The following EYS variants were observed in gnomAD, a reference collection of about 807,000 sequenced individuals.
EYS encodes the protein protein eyes shut homolog.
Under a neutral mutation model 282.1 loss-of-function variants are expected in EYS, and 250 were observed. The observed-to-expected ratio is 0.89, with a 90% CI of 0.80 to 0.98. EYS has a LOEUF of 0.98. EYS is among the 50% of genes least tolerant of loss of function. The pLI, the probability that EYS is intolerant of heterozygous loss-of-function variation, is 0.00. For synonymous variants in EYS, 1,355 were observed against 1,282.9 expected (o/e 1.06, Z -1.20); for missense variants, 4,016 against 3,709.0 (o/e 1.08, Z -2.15).
In EYS at chr6:65,550,146, T is replaced by TC. The variant is rs1562254245; in HGVS notation, c.-332-54154_-332-54153insG. ...TTAGTATCTGACTCTACTATATCTT[T>TC]TTTTTTTTTTTTTTTTTTTTTTTTT... On this transcript the variant is annotated intron_variant, in intron 2 of 42. Coordinates refer to ENST00000503581, the MANE Select transcript of EYS (RefSeq NM_001142800.2). Among the ~76,000 whole-genome samples the TC allele has an allele frequency of 7.3e-3, 350 of 47,834 alleles. 20 individuals are homozygous for TC. Among genetic ancestry groups the TC allele is most frequent in the East Asian group, 0.028 (35 of 1,242 alleles). 31.4% of individuals were successfully genotyped at this position (47,834 alleles called of 152,430 possible).
rs182156584 is a variant in EYS at position 65,181,982 on chromosome 6, C to T, written c.2023+113881G>A. ...GACAAAAAAACAAACACCACATGTT[C>T]TCACTCATAGGTGGGAATTGAACAA... On this transcript the variant is annotated intron_variant, in intron 12 of 42. Coordinates refer to ENST00000503581, the MANE Select transcript of EYS (RefSeq NM_001142800.2). Among the ~76,000 whole-genome samples, 832 of 152,036 alleles carry T rather than the reference C, an allele frequency of 5.5e-3. 8 individuals are homozygous for T. The highest frequency in any genetic ancestry group is 0.019 in the African/African-American group (794 of 41,508).
chr6:64,172,975 T>C (rs1476866764), intron 31 of EYS, among the ~76,000 whole-genome samples: 1 of 152,072 alleles, frequency 6.6e-6, no homozygotes, highest in Non-Finnish European at 1.5e-5. Flanking sequence ...TGTCAAAAAG[T>C]TTGGGATCGC....
chr6:63,860,184 C>T (rs1178629461), intron 36 of EYS, among the ~76,000 whole-genome samples: 9 of 152,080 alleles, frequency 5.9e-5, no homozygotes, highest in Non-Finnish European at 1.2e-4. Flanking sequence ...CTTGGGATAT[C>T]ACCTCATACT....
chr6:65,335,344 A>G (rs955535527), intron 10 of EYS, among the ~76,000 whole-genome samples, 198 bp from the exon 11 acceptor site: 2 of 151,780 alleles, frequency 1.3e-5, no homozygotes, highest in Admixed American at 6.6e-5. Context: ...TAGAGCTACA[A>G]GAAAAACCAC....
intron 12 of EYS, among the ~76,000 whole-genome samples, chr6:65,241,400 C>A (rs1169391682): frequency 6.6e-6 from 1 of 152,010 alleles, no homozygotes; most frequent in Non-Finnish European, 1.5e-5. Context: ...TGTTTCTATT[C>A]TGCACTAAAG....
intron 12 of EYS, among the ~76,000 whole-genome samples, chr6:65,247,054 G>A (rs187642987): frequency 4.7e-4 from 71 of 152,188 alleles, no homozygotes; most frequent in South Asian, 1.7e-3. Flanking sequence ...ATAGTTCATA[G>A]GGTGATTTTA....
intron 22 of EYS, among the ~76,000 whole-genome samples, chr6:64,658,369 G>A (rs1045868089): frequency 5.3e-5 from 8 of 152,068 alleles, no homozygotes; most frequent in African/African-American, 7.2e-5. Flanking sequence ...GTCATTCTCC[G>A]TCCAGCATTG....
At chr6:64,150,620 TAAAC>T (rs1033342064) in intron 31 of EYS, among the ~76,000 whole-genome samples, 1 of 152,168 alleles carries the variant, frequency 6.6e-6, no homozygotes, top group African/African-American at 2.4e-5. Flanking sequence ...AATTACCTCA[TAAAC>T]AAGAGCCACA....
chr6:64,792,819 C>G (rs1195091474), intron 22 of EYS, among the ~76,000 whole-genome samples: 1 of 127,282 alleles, frequency 7.9e-6, no homozygotes, highest in Non-Finnish European at 1.8e-5. Flanking sequence ...CTGACAATGT[C>G]AAAGTCATAA....
rs114611570 is a variant in EYS, at chr6:65,074,442, T to C, written c.2024-16715A>G. Among the ~76,000 whole-genome samples, 933 of 152,140 alleles carry C rather than the reference T, an allele frequency of 6.1e-3. 12 individuals carry two copies. Among genetic ancestry groups the C allele is most frequent in the African/African-American group, 0.021 (876 of 41,548 alleles). ...TCTCGGTGAGACCTTGTAGAGACCA[T>C]GTGGCAAAACATTATTAAATATGAA... On this transcript the variant is annotated intron_variant, in intron 12 of 42. Coordinates refer to ENST00000503581, the MANE Select transcript of EYS (RefSeq NM_001142800.2).
Position 64,751,792 on chromosome 6 carries a change from C to T in EYS, c.3443+61586G>A, listed in dbSNP as rs182760313. ...CTTGCCAAGACCTCTGCTATCACAG[C>T]CCCATATGTGGCAGCAAGTCTGCTC... On this transcript the variant is annotated intron_variant, in intron 22 of 42. Transcript: ENST00000503581. Among the ~76,000 whole-genome samples the T allele has an allele frequency of 2.0e-5, 3 of 152,264 alleles. No individual in the cohort carries two copies. The East Asian group carries it at 5.8e-4, about 29-fold the overall frequency.
At chr6:65,359,179 G>A (rs1202162460) in intron 8 of EYS, among the ~76,000 whole-genome samples, 3 of 151,972 alleles carry the variant, frequency 2.0e-5, no homozygotes, top group African/African-American at 7.2e-5. Context: ...AAAGAAACAA[G>A]AGAATCAAGA....
Position 65,553,003 on chromosome 6 carries a change from C to T in EYS, c.-332-57010G>A, listed in dbSNP as rs11966140. ...AATGAAGAATTGATTCAAATCGGCA[C>T]TTTGGTTTTGGGAACAAGGTATTGG... On this transcript the variant is annotated intron_variant, in intron 2 of 42. Coordinates refer to ENST00000503581, the MANE Select transcript of EYS (RefSeq NM_001142800.2). Among the ~76,000 whole-genome samples, 511 of 152,216 alleles carry T rather than the reference C, an allele frequency of 3.4e-3. 3 individuals are homozygous for T. The highest frequency in any genetic ancestry group is 0.012 in the African/African-American group (483 of 41,558).
At chr6:64,666,642 AC>A (rs1769238866) in intron 22 of EYS, among the ~76,000 whole-genome samples, 4 of 152,218 alleles carry the variant, frequency 2.6e-5, no homozygotes, top group Non-Finnish European at 5.9e-5. Flanking sequence ...GTTATTTATA[AC>A]TGATATGACA....
rs577144250 is a variant in EYS at position 64,320,340 on chromosome 6, A to T, written c.6079-13258T>A. Among the ~76,000 whole-genome samples the T allele has an allele frequency of 4.6e-5, 7 of 151,848 alleles. No homozygotes were observed. In the South Asian group the frequency reaches 1.2e-3, roughly 27 times the overall value. On this transcript the variant is annotated intron_variant, in intron 29 of 42. Coordinates refer to ENST00000503581, the MANE Select transcript of EYS (RefSeq NM_001142800.2). ...CTTGAAATTTTTATCTGTTTAGGTC[A>T]TTGAGTCTATGGGTTGTTGAATCTC...
At chr6:65,029,088 C>A (rs913956013) in intron 13 of EYS, among the ~76,000 whole-genome samples, 2 of 152,078 alleles carry the variant, frequency 1.3e-5, no homozygotes, top group Non-Finnish European at 2.9e-5. Context: ...TCCCCTGTGT[C>A]CTTTTGATTT....
rs568047176 is a variant in EYS at position 65,583,248 on chromosome 6, T to C, written c.-333+56530A>G. Among the ~76,000 whole-genome samples the C allele has an allele frequency of 2.6e-4, 39 of 152,212 alleles. 1 individual carries two copies. The highest frequency in any genetic ancestry group is 8.7e-4 in the African/African-American group (36 of 41,576). On this transcript the variant is annotated intron_variant, in intron 2 of 42. Coordinates refer to ENST00000503581, the MANE Select transcript of EYS (RefSeq NM_001142800.2). ...AATGAGGGCTCAAGTATACTTATTT[T>C]AATATTGTTTTCTCTTAAACTAATT...
At chr6:64,065,496 T>G (rs1268357012) in intron 33 of EYS, among the ~76,000 whole-genome samples, 1 of 152,232 alleles carries the variant, frequency 6.6e-6, no homozygotes, top group Admixed American at 6.5e-5. Context: ...TCTTTTCTGA[T>G]GTTTTATAAT....
At chr6:64,128,990 CA>C (rs1773876434) in intron 31 of EYS, among the ~76,000 whole-genome samples, 1 of 152,094 alleles carries the variant, frequency 6.6e-6, no homozygotes, top group Admixed American at 6.5e-5. Context: ...AGTGGTGAGG[CA>C]AATTATATAC....
Sources: allele counts gnomAD v4.1 joint callset (sites outside exome capture counted in the v4.1 genomes callset), GRCh38; gene constraint gnomAD v4.1.1; transcripts MANE v1.5; gene names NCBI Gene and HGNC (gene_info 2026-07-23, HGNC 2026-07-21).